FXN: variants seen among roughly 807,000 people sequenced by gnomAD.
FXN encodes frataxin, also known as frataxin, mitochondrial.
FXN carries 14 observed loss-of-function variants against 22.4 expected under a neutral mutation model. The observed-to-expected ratio is 0.62, with a 90% confidence interval of 0.41 to 0.98. The LOEUF (loss-of-function observed/expected upper bound fraction) is 0.98. Among genes scored for constraint, FXN ranks in the 50% least tolerant of loss-of-function variants. The pLI is 0.00. For missense variants in FXN, 267 were observed against 268.4 expected, an observed-to-expected ratio of 0.99 and a Z score of 0.04; for synonymous variants, 120 against 114.1, an observed-to-expected ratio of 1.05 and a Z score of -0.33.
At chr9:69,065,095 A>G in intron 4 of FXN, 60 bp downstream of exon 4, 2 of 1,289,576 alleles carry the variant, frequency 1.6e-6, no homozygotes. Flanking sequence ...GAAATGTGAC[A>G]TTGTGGACCA....
rs1292894778 is a variant in FXN, at chr9:69,035,865, C to G, written c.83C>G (p.Pro28Arg). 1.3e-6 allele frequency: 2 copies of G among 1,496,602 alleles called. No homozygotes were observed. The highest frequency in any genetic ancestry group is 5.5e-5 in the East Asian group (2 of 36,652). The allele number at this position is 1,496,602 out of a possible 1,614,324, so 92.7% of individuals were successfully genotyped here. Residue 28 changes from proline to arginine, a missense_variant, in exon 1 of 5, where the codon CCG becomes CGG. Transcript: ENST00000484259. ...PAQAQTLTRV[P>R]RPAELAPLCG... ...CAGGCCCAGACCCTCACCCGGGTCC[C>G]GCGGCCGGCAGAGTTGGCCCCACTC... is the stretch of plus-strand genomic sequence containing the variant.
chr9:69,048,301 T>C (rs1831795333), intron 2 of FXN, among the ~76,000 whole-genome samples: 1 of 152,200 alleles, frequency 6.6e-6, no homozygotes, highest in African/African-American at 2.4e-5. Context: ...AAGTCTTTGC[T>C]GTTCAAAGCC....
chr9:69,036,114 C>T (rs931190399), intron 1 of FXN, 167 bp downstream of exon 1: 24 of 433,048 alleles, frequency 5.5e-5, no homozygotes, highest in African/African-American at 8.3e-5. Flanking sequence ...CTTGCAACTC[C>T]CTTCTCTGGT....
chr9:69,037,535 G>T (rs970324436), intron 1 of FXN, among the ~76,000 whole-genome samples: 3 of 152,146 alleles, frequency 2.0e-5, no homozygotes, highest in Non-Finnish European at 2.9e-5. Flanking sequence ...AAATAGGCAA[G>T]TGTGGCCATG....
In FXN at chr9:69,078,937, T is replaced by C; in HGVS notation, c.*6175T>C. 1.0e-6 allele frequency: 1 copy of C among 968,438 alleles called. No homozygotes were observed. Among genetic ancestry groups the C allele is most frequent in the Non-Finnish European group, 1.2e-6 (1 of 814,508 alleles). 60.0% of individuals were successfully genotyped at this position (968,438 alleles called of 1,614,324 possible). On this transcript the variant is annotated 3_prime_UTR_variant, in exon 5 of 5. Coordinates refer to ENST00000484259, the MANE Select transcript of FXN (RefSeq NM_000144.5). ...TGTACCTTCCATGAGGCTAGGACTATGTGTCTCCTTTGTTGACTGCTGTTG... is the reference window on the plus strand; with the variant it reads ...TGTACCTTCCATGAGGCTAGGACTACGTGTCTCCTTTGTTGACTGCTGTTG...
chr9:69,078,216 G>A lies in FXN; in HGVS notation c.*5454G>A, dbSNP rs1832406413. 1.0e-6 allele frequency: 1 copy of A among 983,930 alleles called. No individual in the cohort carries two copies. The highest frequency in any genetic ancestry group is 1.7e-5 in the African/African-American group (1 of 57,206). 60.9% of individuals were successfully genotyped at this position (983,930 alleles called of 1,614,324 possible). A position where few individuals can be genotyped will look rare whatever the true frequency, so the allele number is the denominator to read the frequency against. On this transcript the variant is annotated 3_prime_UTR_variant, in exon 5 of 5. Coordinates refer to ENST00000484259, the MANE Select transcript of FXN (RefSeq NM_000144.5). ...ACATCTCCAGGTGCCACTGTTGACA[G>A]AGATTATAACTACAATGTGAAGTGA... is the stretch of plus-strand genomic sequence containing the variant.
At chr9:69,046,249 TATTCCCTTTTTCTTAGAAAA>T (rs1831749796) in intron 1 of FXN, 116 bp from the exon 2 acceptor site, 1 of 706,926 alleles carries the variant, frequency 1.4e-6, no homozygotes, top group Non-Finnish European at 2.5e-6. Context: ...AAAAGCAACA[TATTCCCTTTTTCTTAGAAAA>T]AATGGAGCAC....
chr9:69,072,654 C>T lies in FXN; in HGVS notation c.525C>T (p.Tyr175=). Residue 175 remains tyrosine (Y), a synonymous_variant, in exon 5 of 5, where the codon TAC becomes TAT. Transcript: ENST00000484259. ...RYDWTGKNWV[Y]SHDGVSLHEL... ...ACTGGACTGGGAAAAACTGGGTGTA[C>T]TCCCACGACGGCGTGTCCCTCCATG... The T allele has an allele frequency of 6.2e-7, 1 of 1,614,146 alleles. No individual in the cohort carries two copies. The highest frequency in any genetic ancestry group is 8.5e-7 in the Non-Finnish European group (1 of 1,180,026).
At chr9:69,072,105 T>C (rs1368125778) in intron 4 of FXN, among the ~76,000 whole-genome samples, 1 of 152,210 alleles carries the variant, frequency 6.6e-6, no homozygotes, top group Non-Finnish European at 1.5e-5. Flanking sequence ...CTGGGTCTCC[T>C]TTTGGGGTGA....
intron 2 of FXN, among the ~76,000 whole-genome samples, chr9:69,048,638 C>T (rs1370385574): frequency 1.3e-5 from 2 of 152,088 alleles, no homozygotes; most frequent in African/African-American, 4.8e-5. Context: ...TTAGATTCTC[C>T]CTTTGACTTT....
chr9:69,035,896 C>T lies in FXN; in HGVS notation c.114C>T (p.Gly38=). ...PRPAELAPLC[G]RRGLRTDIDA... is the part of the protein sequence containing the mutation. Reference sequence around the variant, plus strand: ...CGGCAGAGTTGGCCCCACTCTGCGGCCGCCGTGGCCTGCGCACCGACATCG... The same window carrying T: ...CGGCAGAGTTGGCCCCACTCTGCGGTCGCCGTGGCCTGCGCACCGACATCG... Residue 38 remains glycine (G), a synonymous_variant, in exon 1 of 5, where the codon GGC becomes GGT. Transcript: ENST00000484259. 2 of 1,487,808 alleles carry T rather than the reference C, an allele frequency of 1.3e-6. No individual in the cohort carries two copies. Among genetic ancestry groups the T allele is most frequent in the African/African-American group, 1.5e-5 (1 of 68,528 alleles). The allele number at this position is 1,487,808 out of a possible 1,614,324, so 92.2% of individuals were successfully genotyped here.
rs1832299178 is a variant in FXN, at chr9:69,072,848, GTTGTTGT to G, written c.*89_*95del. The G allele has an allele frequency of 1.2e-6, 2 of 1,606,078 alleles. No individual in the cohort carries two copies. Among genetic ancestry groups the G allele is most frequent in the East Asian group, 2.2e-5 (1 of 44,854 alleles). On this transcript the variant is annotated 3_prime_UTR_variant, in exon 5 of 5. Transcript: ENST00000484259. ...CAGCTGAGGTCTGTTTTTTGTTGTT[GTTGTTGT>G]TTATTTTTTTTATTCCTGCTTTTGA...
chr9:69,076,869 T>C lies in FXN; in HGVS notation c.*4107T>C. The C allele has an allele frequency of 1.0e-6, 1 of 985,494 alleles. No homozygotes were observed. Among genetic ancestry groups the C allele is most frequent in the African/African-American group, 1.7e-5 (1 of 57,366 alleles). 61.0% of individuals were successfully genotyped at this position (985,494 alleles called of 1,614,324 possible). A position where few individuals can be genotyped will look rare whatever the true frequency, so the allele number is the denominator to read the frequency against. On this transcript the variant is annotated 3_prime_UTR_variant, in exon 5 of 5. Coordinates refer to ENST00000484259, the MANE Select transcript of FXN (RefSeq NM_000144.5). Reference sequence around the variant, plus strand: ...AAAGTTTTGAAATTTCATGTAAATTTATGCTGTTCAAAACGACGAGTTCAT... The same window carrying C: ...AAAGTTTTGAAATTTCATGTAAATTCATGCTGTTCAAAACGACGAGTTCAT...
chr9:69,064,888 CTT>C, intron 3 of FXN, 48 bp from the exon 4 acceptor site: 1 of 1,191,196 alleles, frequency 8.4e-7, no homozygotes, highest in Non-Finnish European at 1.3e-6. Flanking sequence ...AAAGTGCTAA[CTT>C]TTTCTTGTTT....
rs544093183 is a variant in FXN at position 69,037,284 on chromosome 9, A to AAAAAGAAGAAGAAG, written c.165+1339_165+1340insAAGAAGAAGAAGAA. On this transcript the variant is annotated intron_variant, in intron 1 of 4. Transcript: ENST00000484259. ...ACTAAAAAATACAAAAAAAAAAAAA[A>AAAAAGAAGAAGAAG]AAGAAGAAGAAGAAGAAGAAAATAA... is the stretch of plus-strand genomic sequence containing the variant. Among the ~76,000 whole-genome samples the AAAAAGAAGAAGAAG allele has an allele frequency of 2.9e-3, 226 of 78,048 alleles. 1 individual carries two copies. Among genetic ancestry groups the AAAAAGAAGAAGAAG allele is most frequent in the South Asian group, 5.4e-3 (12 of 2,218 alleles). The allele number at this position is 78,048 out of a possible 152,430, so 51.2% of individuals were successfully genotyped here.
chr9:69,046,635 T>C lies in FXN; in HGVS notation c.263+153T>C, dbSNP rs978536860. 4.6e-5 allele frequency among the ~76,000 whole-genome samples: 7 copies of C among 152,348 alleles called. No individual in the cohort carries two copies. In the East Asian group the frequency reaches 1.3e-3, roughly 29 times the overall value. On this transcript the variant is annotated intron_variant, in intron 2 of 4. Transcript: ENST00000484259. ...CACATTATTTTTAATGAAATAGTAT[T>C]AGATTGCATGGATGTGACATAATCC...
rs1832411361 is a variant in FXN, at chr9:69,078,514, C to T, written c.*5752C>T. 1 of 979,856 alleles carries T rather than the reference C, an allele frequency of 1.0e-6. No homozygotes were observed. The highest frequency in any genetic ancestry group is 6.4e-5 in the Admixed American group (1 of 15,672). 60.7% of individuals were successfully genotyped at this position (979,856 alleles called of 1,614,324 possible). On this transcript the variant is annotated 3_prime_UTR_variant, in exon 5 of 5. Coordinates refer to ENST00000484259, the MANE Select transcript of FXN (RefSeq NM_000144.5). ...AGCTTTCAGAAAGGCAATCTCTTGTCTGTAAAACCTAAGCAGGACCAAGGC... is the reference window on the plus strand; with the variant it reads ...AGCTTTCAGAAAGGCAATCTCTTGTTTGTAAAACCTAAGCAGGACCAAGGC...
rs776953881 is a variant in FXN, at chr9:69,076,585, T to C, written c.*3823T>C. ...TTAAATTATAGGTTTACAATATGCT[T>C]TATCCAGCTATACCTGCCCCAAATT... On this transcript the variant is annotated 3_prime_UTR_variant, in exon 5 of 5. Coordinates refer to ENST00000484259, the MANE Select transcript of FXN (RefSeq NM_000144.5). The C allele has an allele frequency of 2.0e-6, 2 of 985,448 alleles. No homozygotes were observed. The highest frequency in any genetic ancestry group is 2.4e-6 in the Non-Finnish European group (2 of 829,928). The allele number at this position is 985,448 out of a possible 1,614,324, so 61.0% of individuals were successfully genotyped here. A position where few individuals can be genotyped will look rare whatever the true frequency, so the allele number is the denominator to read the frequency against.
chr9:69,068,733 G>A (rs1358687491), intron 4 of FXN, among the ~76,000 whole-genome samples: 1 of 152,258 alleles, frequency 6.6e-6, no homozygotes, highest in Non-Finnish European at 1.5e-5. Flanking sequence ...AGAAAGGCCA[G>A]GGCCAAGATG....
Sources: allele counts gnomAD v4.1 joint callset (sites outside exome capture counted in the v4.1 genomes callset), GRCh38; gene constraint gnomAD v4.1.1; transcripts MANE v1.5; gene names NCBI Gene and HGNC (gene_info 2026-07-23, HGNC 2026-07-21).